The following RHBDD1 variants were observed in gnomAD, a reference collection of about 807,000 sequenced individuals.
RHBDD1 encodes rhomboid-related protein 4.
A neutral mutation model predicts 36.3 loss-of-function variants in RHBDD1; 38 were observed. The observed-to-expected ratio is 1.05, with a 90% CI of 0.81 to 1.37. The LOEUF (loss-of-function observed/expected upper bound fraction) is 1.37. RHBDD1 is among the 40% of genes most tolerant of loss of function. RHBDD1 has a pLI of 0.00. For synonymous variants in RHBDD1, 151 were observed against 136.5 expected, an observed-to-expected ratio of 1.11 and a Z score of -0.74; for missense variants, 393 against 377.6, an observed-to-expected ratio of 1.04 and a Z score of -0.34.
At chr2:226,980,650 A>G (rs1955519836) in intron 8 of RHBDD1, among the ~76,000 whole-genome samples, 1 of 152,212 alleles carries the variant, frequency 6.6e-6, no homozygotes, top group South Asian at 2.1e-4. Context: ...TCTTAAAACC[A>G]TATAGTCCTT....
chr2:226,902,457 A>G (rs1047568746), intron 5 of RHBDD1, among the ~76,000 whole-genome samples: 7 of 152,192 alleles, frequency 4.6e-5, no homozygotes, highest in Non-Finnish European at 8.8e-5. Context: ...CTGCAGGTCC[A>G]TCTATCTTCT....
chr2:226,887,441 T>C (rs1284205888), intron 5 of RHBDD1, among the ~76,000 whole-genome samples: 2 of 152,180 alleles, frequency 1.3e-5, no homozygotes, highest in Non-Finnish European at 2.9e-5. Flanking sequence ...GTAACTGACA[T>C]TGAACAGATT....
chr2:226,899,436 G>A (rs1947410436), intron 5 of RHBDD1, among the ~76,000 whole-genome samples: 1 of 152,074 alleles, frequency 6.6e-6, no homozygotes, highest in East Asian at 1.9e-4. Context: ...CTCTGTGTCA[G>A]GAAATACACA....
At chr2:226,966,242 G>T (rs1952619779) in intron 8 of RHBDD1, among the ~76,000 whole-genome samples, 2 of 152,134 alleles carry the variant, frequency 1.3e-5, no homozygotes, top group East Asian at 3.9e-4. Context: ...TGAGAAGCAG[G>T]TCAATCACAA....
At chr2:226,979,422 A>C (rs756049151) in intron 8 of RHBDD1, among the ~76,000 whole-genome samples, 1 of 152,228 alleles carries the variant, frequency 6.6e-6, no homozygotes, top group Non-Finnish European at 1.5e-5. Flanking sequence ...CCAGGTCACC[A>C]CCCAGGAACA....
the RHBDD1 span, among the ~76,000 whole-genome samples, chr2:226,814,873 A>T: frequency 3.9e-5 from 6 of 152,198 alleles, no homozygotes; most frequent in South Asian, 6.2e-4. Context: ...GCAAGTCCAC[A>T]TTGGTGATGC....
At chr2:226,944,191 A>T (rs1173936761) in intron 8 of RHBDD1, among the ~76,000 whole-genome samples, 1 of 152,202 alleles carries the variant, frequency 6.6e-6, no homozygotes, top group Non-Finnish European at 1.5e-5. Context: ...GGCCCAAGCA[A>T]ATAATACTTA....
At chr2:226,913,012 T>G (rs367573470) in intron 7 of RHBDD1, among the ~76,000 whole-genome samples, 1 of 152,222 alleles carries the variant, frequency 6.6e-6, no homozygotes, top group South Asian at 2.1e-4. Context: ...TCCCTTTTAA[T>G]CCTGCATATT....
intron 5 of RHBDD1, among the ~76,000 whole-genome samples, chr2:226,871,997 C>A (rs1033638541): frequency 2.6e-5 from 4 of 152,092 alleles, no homozygotes; most frequent in Non-Finnish European, 5.9e-5. Flanking sequence ...CAGTGGTTAT[C>A]CTTGTCTGGA....
At chr2:226,832,710 TTC>T (rs1482890812), upstream of RHBDD1, among the ~76,000 whole-genome samples, 11 of 152,204 alleles carry the variant, frequency 7.2e-5, no homozygotes, top group Non-Finnish European at 1.6e-4. Flanking sequence ...AGTATGGAAT[TTC>T]TGTCTCTAAA....
chr2:226,846,085 G>A (rs1942187110), intron 3 of RHBDD1, among the ~76,000 whole-genome samples: 1 of 152,138 alleles, frequency 6.6e-6, no homozygotes, highest in South Asian at 2.1e-4. Context: ...TTTCTTTGTT[G>A]AAATTGGTGG....
At chr2:226,949,403 A>G (rs1951260423) in intron 8 of RHBDD1, among the ~76,000 whole-genome samples, 1 of 152,168 alleles carries the variant, frequency 6.6e-6, no homozygotes, top group South Asian at 2.1e-4. Context: ...CATAGCATGT[A>G]TACCAGCAGC....
chr2:226,914,799 A>G (rs372299426), intron 8 of RHBDD1, among the ~76,000 whole-genome samples: 1 of 152,150 alleles, frequency 6.6e-6, no homozygotes, highest in Non-Finnish European at 1.5e-5. Context: ...TGCTGAACCA[A>G]TCTGTCTGGG....
chr2:226,905,292 C>T (rs376090709), intron 5 of RHBDD1, among the ~76,000 whole-genome samples: 2 of 152,202 alleles, frequency 1.3e-5, no homozygotes, highest in East Asian at 1.9e-4. Flanking sequence ...CACCAGCAGA[C>T]TGGCTTCGTG....
chr2:226,981,544 A>C (rs895821065), intron 8 of RHBDD1, among the ~76,000 whole-genome samples: 1 of 146,350 alleles, frequency 6.8e-6, no homozygotes, highest in Non-Finnish European at 1.5e-5. Context: ...ACACACATCC[A>C]TGCACTCATC....
intron 3 of RHBDD1, among the ~76,000 whole-genome samples, chr2:226,850,946 T>A (rs1204920934): frequency 6.6e-6 from 1 of 152,022 alleles, no homozygotes; most frequent in Non-Finnish European, 1.5e-5. Context: ...ATCTACATCC[T>A]TAGTCACCCT....
chr2:226,905,736 C>G (rs1337545133), intron 5 of RHBDD1, among the ~76,000 whole-genome samples: 1 of 152,090 alleles, frequency 6.6e-6, no homozygotes, highest in Non-Finnish European at 1.5e-5. Flanking sequence ...CACTCTGTGC[C>G]CAACACTGGG....
chr2:226,914,576 C>G, intron 8 of RHBDD1: 1 of 316,342 alleles, frequency 3.2e-6, no homozygotes. Flanking sequence ...TAAAGTGGTT[C>G]TTTTTATAGT....
intron 8 of RHBDD1, among the ~76,000 whole-genome samples, chr2:226,943,731 G>A (rs1950804626): frequency 1.3e-5 from 2 of 152,122 alleles, no homozygotes; most frequent in South Asian, 4.1e-4. Context: ...CATGCTTTTT[G>A]GAGAGGAGGG....
Sources: allele counts gnomAD v4.1 joint callset (sites outside exome capture counted in the v4.1 genomes callset), GRCh38; gene constraint gnomAD v4.1.1; transcripts MANE v1.5; gene names NCBI Gene and HGNC (gene_info 2026-07-23, HGNC 2026-07-21).